TESC: variants seen among roughly 807,000 people sequenced by gnomAD.
TESC encodes calcineurin B homologous protein 3.
A neutral mutation model predicts 31.0 loss-of-function variants in TESC; 19 were observed. That is an observed-to-expected ratio of 0.61 (90% CI 0.43 to 0.90). The LOEUF (loss-of-function observed/expected upper bound fraction) is 0.90. TESC is among the 40% of genes least tolerant of loss of function. The pLI, the probability that TESC is intolerant of heterozygous loss-of-function variation, is 0.00. For missense variants in TESC, 248 were observed against 303.8 expected (o/e 0.82, Z 1.36); for synonymous variants, 109 against 114.8 (o/e 0.95, Z 0.32).
intron 1 of TESC, among the ~76,000 whole-genome samples, chr12:117,086,998 AGG>A (rs916370497): frequency 1.3e-5 from 2 of 152,118 alleles, no homozygotes; most frequent in Non-Finnish European, 2.9e-5. Flanking sequence ...CTTGGGAGGG[AGG>A]CAGGGAGGGA....
At chr12:117,047,974 C>G (rs1205406618) in intron 4 of TESC, among the ~76,000 whole-genome samples, 1 of 152,064 alleles carries the variant, frequency 6.6e-6, no homozygotes, top group African/African-American at 2.4e-5. Context: ...GAACTCGTGG[C>G]TTCAAGTTAT....
At chr12:117,049,980 G>T (rs1289598143) in intron 3 of TESC, among the ~76,000 whole-genome samples, 2 of 151,768 alleles carry the variant, frequency 1.3e-5, no homozygotes, top group Admixed American at 6.6e-5. Flanking sequence ...CAGAGTCAGG[G>T]TCTCACTCCA....
chr12:117,058,111 T>C (rs1954753149), intron 2 of TESC, among the ~76,000 whole-genome samples: 1 of 152,112 alleles, frequency 6.6e-6, no homozygotes, highest in South Asian at 2.1e-4. Context: ...TCCCAGCTAC[T>C]TGGGAACCTC....
intron 2 of TESC, among the ~76,000 whole-genome samples, chr12:117,074,862 TA>T (rs374877055): frequency 1.2e-3 from 176 of 152,316 alleles, no homozygotes; most frequent in African/African-American, 4.0e-3. Context: ...CCAGAAGCAT[TA>T]AAACAACTAC....
chr12:117,080,329 G>T (rs922049899), intron 1 of TESC, among the ~76,000 whole-genome samples: 1 of 152,220 alleles, frequency 6.6e-6, no homozygotes, highest in African/African-American at 2.4e-5. Flanking sequence ...TCAGCCAGGC[G>T]TGGTGGGGCG....
intron 2 of TESC, 37 bp downstream of exon 2, chr12:117,075,234 G>A: frequency 6.2e-7 from 1 of 1,605,388 alleles, no homozygotes; most frequent in South Asian, 1.1e-5. Context: ...GCAAGGGCAT[G>A]GCCCCACCCA....
intron 1 of TESC, among the ~76,000 whole-genome samples, chr12:117,079,597 G>A (rs1955119083): frequency 6.6e-6 from 1 of 151,996 alleles, no homozygotes. Context: ...AAGCATCCTG[G>A]TGTGTGAAAG....
chr12:117,055,075 T>G (rs1299230843), intron 3 of TESC, among the ~76,000 whole-genome samples: 1 of 152,204 alleles, frequency 6.6e-6, no homozygotes, highest in Admixed American at 6.5e-5. Context: ...CACCTCTTTG[T>G]AAGCTTCACC....
In TESC at chr12:117,046,574, C is replaced by A; in HGVS notation, c.504G>T (p.Val168=). 1 of 1,550,762 alleles carries A rather than the reference C, an allele frequency of 6.4e-7. No homozygotes were observed. The highest frequency in any genetic ancestry group is 1.2e-5 in the South Asian group (1 of 84,024). Residue 168 remains valine (V), a synonymous_variant, in exon 6 of 8, where the codon GTG becomes GTT. Coordinates refer to ENST00000335209, the MANE Select transcript of TESC (RefSeq NM_017899.4). ...ADGAMMEAAS[V]CMGQMEPDQV... is the part of the protein sequence containing the mutation. ...GGGCGCTCACCATCTGCCCCATGCA[C>A]ACGCTGGCCGCCTCCATCATGGCCC... is the stretch of plus-strand genomic sequence containing the variant.
intron 2 of TESC, among the ~76,000 whole-genome samples, chr12:117,062,794 G>A (rs1954816472): frequency 6.6e-6 from 1 of 152,214 alleles, no homozygotes; most frequent in South Asian, 2.1e-4. Flanking sequence ...GTCCCCGCCG[G>A]GCTGGATGAA....
intron 7 of TESC, among the ~76,000 whole-genome samples, chr12:117,040,402 CA>C (rs1434918312): frequency 6.6e-6 from 1 of 152,216 alleles, no homozygotes; most frequent in Middle Eastern, 3.2e-3. Context: ...AAAGATCCCT[CA>C]GGGGTACAGG....
intron 1 of TESC, among the ~76,000 whole-genome samples, chr12:117,084,341 G>C (rs1295908880): frequency 6.6e-6 from 1 of 152,106 alleles, no homozygotes; most frequent in African/African-American, 2.4e-5. Flanking sequence ...GTGAGAGAAG[G>C]GGCCCGTGCA....
chr12:117,042,557 A>C (rs1380020899), intron 6 of TESC, among the ~76,000 whole-genome samples: 1 of 140,716 alleles, frequency 7.1e-6, no homozygotes, highest in Admixed American at 6.8e-5. Context: ...CACCGTGATA[A>C]CTCAGGGCCA....
At chr12:117,089,577 C>T (rs1044034285) in intron 1 of TESC, among the ~76,000 whole-genome samples, 1 of 152,086 alleles carries the variant, frequency 6.6e-6, no homozygotes, top group African/African-American at 2.4e-5. Flanking sequence ...AATTTGAAAA[C>T]TATATAGCAC....
At chr12:117,060,182 A>G (rs1386908902) in intron 2 of TESC, among the ~76,000 whole-genome samples, 2 of 152,178 alleles carry the variant, frequency 1.3e-5, no homozygotes, top group Non-Finnish European at 2.9e-5. Flanking sequence ...AAATTTTCTA[A>G]TAAGTCTTTA....
intron 1 of TESC, 42 bp downstream of exon 1, chr12:117,099,183 G>A (rs1955438215): frequency 6.8e-6 from 10 of 1,470,758 alleles, no homozygotes; most frequent in African/African-American, 1.5e-5. Flanking sequence ...GCCGTTCGGA[G>A]GTCCCGCCCC....
chr12:117,057,960 C>G (rs944694930), intron 2 of TESC, among the ~76,000 whole-genome samples: 3 of 152,154 alleles, frequency 2.0e-5, no homozygotes, highest in Non-Finnish European at 2.9e-5. Flanking sequence ...TAGCTCACAC[C>G]TGTAATCCCA....
chr12:117,047,485 C>T (rs2135750501), intron 4 of TESC, among the ~76,000 whole-genome samples: 1 of 152,120 alleles, frequency 6.6e-6, no homozygotes, highest in East Asian at 1.9e-4. Flanking sequence ...AGTGTAGTGG[C>T]ACGATCTGGG....
chr12:117,059,515 G>GA (rs1000920069), intron 2 of TESC, among the ~76,000 whole-genome samples: 10 of 150,954 alleles, frequency 6.6e-5, no homozygotes, highest in South Asian at 2.1e-4. Flanking sequence ...TTTGGCCATG[G>GA]AAAAAAAAAT....
Sources: allele counts gnomAD v4.1 joint callset (sites outside exome capture counted in the v4.1 genomes callset), GRCh38; gene constraint gnomAD v4.1.1; transcripts MANE v1.5; gene names NCBI Gene and HGNC (gene_info 2026-07-23, HGNC 2026-07-21).